Variants in GREB1L observed in about 807,000 individuals in gnomAD.
GREB1L encodes the protein GREB1-like protein.
A neutral mutation model predicts 200.8 loss-of-function variants in GREB1L; 17 were observed. The observed-to-expected ratio is 0.08, with a 90% CI of 0.06 to 0.13. The LOEUF is 0.13. Ranked by LOEUF, GREB1L falls within the 10% of genes least tolerant of loss-of-function variation. The pLI is 1.00. For synonymous variants in GREB1L, 789 were observed against 893.0 expected (o/e 0.88, Z 2.08); for missense variants, 1,657 against 2,367.7 (o/e 0.70, Z 6.23).
intron 1 of GREB1L, among the ~76,000 whole-genome samples, chr18:21,346,334 A>G (rs529719160): frequency 1.2e-4 from 18 of 152,086 alleles, no homozygotes; most frequent in African/African-American, 4.3e-4. Flanking sequence ...TTACTTCCTC[A>G]CAAGCCCCTA....
chr18:21,512,064 C>T (rs905720566), intron 27 of GREB1L, among the ~76,000 whole-genome samples: 6 of 152,258 alleles, frequency 3.9e-5, no homozygotes, highest in African/African-American at 1.4e-4. Context: ...AGGCCCAGAT[C>T]AAAACTACCA....
intron 18 of GREB1L, among the ~76,000 whole-genome samples, chr18:21,486,064 C>A (rs1162060590): frequency 1.3e-5 from 2 of 152,162 alleles, no homozygotes; most frequent in Admixed American, 6.6e-5. Context: ...TTATTCAAGA[C>A]CCGCTTCTGG....
chr18:21,430,474 G>A (rs1250960928), intron 7 of GREB1L, among the ~76,000 whole-genome samples: 1 of 149,096 alleles, frequency 6.7e-6, no homozygotes, highest in African/African-American at 2.5e-5. Flanking sequence ...TGTTGCTGTC[G>A]ATTGTCTTTA....
At chr18:21,434,565 A>T (rs1216834774) in intron 7 of GREB1L, among the ~76,000 whole-genome samples, 1 of 125,462 alleles carries the variant, frequency 8.0e-6, no homozygotes, top group Non-Finnish European at 1.5e-5. Context: ...GTGTATATAT[A>T]TGTGTGTATA....
chr18:21,499,667 C>T (rs1209316430), intron 21 of GREB1L, 62 bp from the exon 22 acceptor site: 70 of 1,250,188 alleles, frequency 5.6e-5, no homozygotes, highest in Non-Finnish European at 6.9e-5. Context: ...CCTTTGTCTG[C>T]TTCCACACCC....
chr18:21,459,279 C>CTTTT (rs746568414), intron 15 of GREB1L, among the ~76,000 whole-genome samples: 54 of 85,906 alleles, frequency 6.3e-4, no homozygotes, highest in Admixed American at 9.6e-4. Context: ...TTTTTCTTTA[C>CTTTT]TTTTTTTTTT....
At chr18:21,284,816 C>T (rs2038327460) in intron 1 of GREB1L, among the ~76,000 whole-genome samples, 1 of 152,152 alleles carries the variant, frequency 6.6e-6, no homozygotes, top group Non-Finnish European at 1.5e-5. Flanking sequence ...GGTTTGTTCT[C>T]TCGCCATATC....
chr18:21,386,783 G>A (rs2040561529), intron 4 of GREB1L, among the ~76,000 whole-genome samples: 1 of 152,102 alleles, frequency 6.6e-6, no homozygotes, highest in Non-Finnish European at 1.5e-5. Context: ...AGGATTACAG[G>A]CGTGAGCCAC....
chr18:21,268,121 C>T (rs1429111902), intron 1 of GREB1L, among the ~76,000 whole-genome samples: 5 of 151,942 alleles, frequency 3.3e-5, no homozygotes, highest in Non-Finnish European at 7.4e-5. Flanking sequence ...CTTCCAGATG[C>T]ACTATTGGAA....
chr18:21,242,367 T>G lies in GREB1L; in HGVS notation c.-146T>G, dbSNP rs1388245102. 1 of 151,988 alleles carries G rather than the reference T, an allele frequency of 6.6e-6. No individual in the cohort carries two copies. Among genetic ancestry groups the G allele is most frequent in the Non-Finnish European group, 1.5e-5 (1 of 68,044 alleles). The allele number at this position is 151,988 out of a possible 1,614,324, so 9.4% of individuals were successfully genotyped here. A position where few individuals can be genotyped will look rare whatever the true frequency, so the allele number is the denominator to read the frequency against. On this transcript the variant is annotated 5_prime_UTR_variant, in exon 1 of 33. Transcript: ENST00000424526. ...CGAGCCGAGGGCCACCCCCTGGTCC[T>G]CTGCCCTCGCGCCCCGCTAGGGCCA...
In GREB1L at chr18:21,251,359, A is replaced by G. The variant is rs559063123; in HGVS notation, c.-120+8966A>G. 2.2e-4 allele frequency among the ~76,000 whole-genome samples: 34 copies of G among 152,296 alleles called. 1 individual carries two copies. In the South Asian group the frequency reaches 5.8e-3, roughly 26 times the overall value. ...CTTTCTAATTTTCACCTAATATTCA[A>G]TAAAACACAAGGAACATAACTCTAA... On this transcript the variant is annotated intron_variant, in intron 1 of 32. Coordinates refer to ENST00000424526, the MANE Select transcript of GREB1L (RefSeq NM_001142966.3).
intron 1 of GREB1L, among the ~76,000 whole-genome samples, chr18:21,354,917 G>C (rs1567948906): frequency 6.6e-6 from 1 of 152,196 alleles, no homozygotes; most frequent in Non-Finnish European, 1.5e-5. Context: ...AATCTCGAAG[G>C]CTTTTAGCAA....
At chr18:21,280,713 TTTG>T (rs2038254821) in intron 1 of GREB1L, among the ~76,000 whole-genome samples, 1 of 152,172 alleles carries the variant, frequency 6.6e-6, no homozygotes, top group Non-Finnish European at 1.5e-5. Flanking sequence ...GTTTGCTTGT[TTTG>T]TTCTCTATTT....
intron 1 of GREB1L, among the ~76,000 whole-genome samples, chr18:21,275,203 G>C (rs571603481): frequency 1.0e-3 from 157 of 152,094 alleles, no homozygotes; most frequent in African/African-American, 3.7e-3. Flanking sequence ...TTGCACCACT[G>C]CACTCCAGCC....
At chr18:21,516,861 G>A in intron 30 of GREB1L, 107 bp downstream of exon 30, 1 of 786,400 alleles carries the variant, frequency 1.3e-6, no homozygotes, top group Non-Finnish European at 1.9e-6. Context: ...TTAGAAAAGT[G>A]AAATAACACA....
At chr18:21,520,654 A>C (rs554028351) in intron 31 of GREB1L, 34 bp from the exon 32 acceptor site, 3 of 1,551,056 alleles carry the variant, frequency 1.9e-6, no homozygotes, top group Non-Finnish European at 2.6e-6. Context: ...CTTGCTCTTG[A>C]AATGCCCATG....
At chr18:21,346,126 G>T (rs1275036959) in intron 1 of GREB1L, among the ~76,000 whole-genome samples, 1 of 152,068 alleles carries the variant, frequency 6.6e-6, no homozygotes, top group African/African-American at 2.4e-5. Flanking sequence ...AAGAAGCAAT[G>T]CAAGGCAGAA....
rs772869126 is a variant in GREB1L at position 21,500,297 on chromosome 18, G to C, written c.3960G>C (p.Gly1320=). ...ACCCCCGACGGCTCCTGCTGACAGGGCCCCCACAGGTAGGGCCAAGCCAGC... is the reference window on the plus strand; with the variant it reads ...ACCCCCGACGGCTCCTGCTGACAGGCCCCCCACAGGTAGGGCCAAGCCAGC... ...NFHPRRLLLT[G]PPQVGKTGSY... The change falls in exon 22 of 33, where the codon GGG becomes GGC. Residue 1320 remains glycine (G), a synonymous_variant. Coordinates refer to ENST00000424526, the MANE Select transcript of GREB1L (RefSeq NM_001142966.3). 2 of 1,281,558 alleles carry C rather than the reference G, an allele frequency of 1.6e-6. No homozygotes were observed. The highest frequency in any genetic ancestry group is 2.5e-5 in the South Asian group (2 of 78,852). The allele number at this position is 1,281,558 out of a possible 1,614,324, so 79.4% of individuals were successfully genotyped here. A position where few individuals can be genotyped will look rare whatever the true frequency, so the allele number is the denominator to read the frequency against.
At chr18:21,455,259 A>G (rs2034702991) in intron 15 of GREB1L, 1 of 152,302 alleles carries the variant, frequency 6.6e-6, no homozygotes, top group South Asian at 2.1e-4. Flanking sequence ...GCCTTTGTAA[A>G]CTAGGTTTGA....
Sources: gnomAD v4.1 joint callset for allele counts (sites outside exome capture counted in the v4.1 genomes callset) on GRCh38, gnomAD v4.1.1 for gene constraint, MANE v1.5 for transcripts, NCBI Gene and HGNC (gene_info 2026-07-23, HGNC 2026-07-21) for gene names.